Variants in RYR3 observed in about 807,000 individuals in gnomAD.
RYR3 encodes ryanodine receptor 3.
Under a neutral mutation model 584.3 loss-of-function variants are expected in RYR3, and 207 were observed. That is an observed-to-expected ratio of 0.35 (90% confidence interval 0.32 to 0.40). The LOEUF (loss-of-function observed/expected upper bound fraction) is 0.40, where lower values mean the gene tolerates loss of function less well. Among genes scored for constraint, RYR3 ranks in the 10% least tolerant of loss-of-function variants. RYR3 has a pLI of 1.00. For synonymous variants in RYR3, 2,416 were observed against 2,248.5 expected (o/e 1.07, Z -2.11); for missense variants, 5,616 against 6,089.2 (o/e 0.92, Z 2.59).
At chr15:33,495,443 C>T (rs1369019959) in intron 2 of RYR3, among the ~76,000 whole-genome samples, 1 of 152,128 alleles carries the variant, frequency 6.6e-6, no homozygotes, top group Admixed American at 6.5e-5. Context: ...TTCTCACCTG[C>T]AAAATGGCTT....
rs1194206001 is a variant in RYR3 at position 33,864,200 on chromosome 15, A to C, written c.14517+11A>C. ...GAGCACACGGGTCAGGTGAGAAATT[A>C]AGAATCATATACCCGTGTTAGATCT... On this transcript the variant is annotated intron_variant, in intron 103 of 103. Transcript: ENST00000634891. 2 of 1,603,456 alleles carry C rather than the reference A, an allele frequency of 1.2e-6. No individual in the cohort carries two copies. The highest frequency in any genetic ancestry group is 1.3e-5 in the African/African-American group (1 of 74,876).
At chr15:33,659,698 T>G in intron 32 of RYR3, 22 bp from the exon 33 acceptor site, 1 of 1,548,960 alleles carries the variant, frequency 6.5e-7, no homozygotes, top group Non-Finnish European at 8.9e-7. Flanking sequence ...GGGCAAAGCT[T>G]TCGATTTGTT....
intron 1 of RYR3, among the ~76,000 whole-genome samples, chr15:33,379,209 T>G (rs1222430306): frequency 3.3e-5 from 5 of 152,188 alleles, no homozygotes; most frequent in Non-Finnish European, 7.3e-5. Context: ...TAAAACTGAT[T>G]TCCTGTGATA....
At position 33,534,477 on chromosome 15, in the gene RYR3, T is replaced by A. The variant is rs529026228; in HGVS notation, c.433+1088T>A. On this transcript the variant is annotated intron_variant, in intron 5 of 103. Transcript: ENST00000634891. Reference sequence around the variant, plus strand: ...GTGTCATTTAATTGCCTCCCACCAATGATATACATCATATACTTTGGGAAC... The same window carrying A: ...GTGTCATTTAATTGCCTCCCACCAAAGATATACATCATATACTTTGGGAAC... 1.2e-4 allele frequency among the ~76,000 whole-genome samples: 19 copies of A among 152,366 alleles called. No homozygotes were observed. The South Asian group carries it at 3.9e-3, about 32-fold the overall frequency.
At chr15:33,691,770 T>C (rs568626753) in intron 38 of RYR3, among the ~76,000 whole-genome samples, 1 of 152,338 alleles carries the variant, frequency 6.6e-6, no homozygotes, top group Admixed American at 6.5e-5. Context: ...AAATTAATAA[T>C]TTTTACTGCT....
chr15:33,737,947 C>T (rs1447499005), intron 49 of RYR3, among the ~76,000 whole-genome samples: 2 of 151,892 alleles, frequency 1.3e-5, no homozygotes, highest in African/African-American at 4.8e-5. Context: ...GGAGAGGGAG[C>T]GGGCACGGGG....
Position 33,580,089 on chromosome 15 carries a change from A to T in RYR3, c.1382A>T (p.Asp461Val), listed in dbSNP as rs759991237. 3.7e-6 allele frequency: 6 copies of T among 1,613,400 alleles called. No individual in the cohort carries two copies. The South Asian group carries it at 6.6e-5, about 18-fold the overall frequency. ...CCAGAGGAGGAGATGCGACATGAAG[A>T]CAAGCAGAACAAGCTCCGCTCACTC... The part of the protein sequence containing the change: ...QPPEEEMRHE[D>V]KQNKLRSLKN... The change falls in exon 13 of 104, where the codon GAC (aspartate) becomes GTC (valine). Residue 461 changes from aspartate (D) to valine (V), a missense_variant. Asp to Val is a radical substitution (Grantham distance 152). This residue lies in a region of RYR3 where 1,284 missense variants were observed against 1,344.6 expected (regional missense o/e 0.95). Transcript: ENST00000634891.
In RYR3 at chr15:33,659,828, T is replaced by A. The variant is rs1380874338; in HGVS notation, c.4395+22T>A. 2.4e-5 allele frequency: 36 copies of A among 1,489,378 alleles called. 1 individual carries two copies. Among genetic ancestry groups the A allele is most frequent in the Middle Eastern group, 3.4e-4 (2 of 5,834 alleles). The allele number at this position is 1,489,378 out of a possible 1,614,324, so 92.3% of individuals were successfully genotyped here. On this transcript the variant is annotated intron_variant, in intron 33 of 103. Coordinates refer to ENST00000634891, the MANE Select transcript of RYR3 (RefSeq NM_001036.6). ...GAAGGTATTTATTTGTCCTCTCATCTAATGGCCATGACAAGAGAAAGCAGC... is the reference window on the plus strand; with the variant it reads ...GAAGGTATTTATTTGTCCTCTCATCAAATGGCCATGACAAGAGAAAGCAGC...
chr15:33,498,273 A>G (rs1032862434), intron 2 of RYR3, among the ~76,000 whole-genome samples: 1 of 152,186 alleles, frequency 6.6e-6, no homozygotes, highest in Non-Finnish European at 1.5e-5. Flanking sequence ...ACTGTTTTGC[A>G]TAATAGCTAT....
At chr15:33,373,010 T>C (rs1423651602) in intron 1 of RYR3, among the ~76,000 whole-genome samples, 1 of 152,236 alleles carries the variant, frequency 6.6e-6, no homozygotes, top group African/African-American at 2.4e-5. Flanking sequence ...TTATGCACCT[T>C]GGCAGGCAGG....
chr15:33,831,077 A>G lies in RYR3; in HGVS notation c.11449A>G (p.Thr3817Ala). Reference sequence around the variant, plus strand: ...CACCAAGCAGATTTTCAATTCTCTTACAGAATACATCCAGGTATGTGCTAC... The same window carrying G: ...CACCAAGCAGATTTTCAATTCTCTTGCAGAATACATCCAGGTATGTGCTAC... ...AVTKQIFNSL[T>A]EYIQGPCIGN... The change falls in exon 86 of 104, where the codon ACA becomes GCA. Residue 3817 changes from threonine to alanine, a missense_variant. Physicochemically the swap from Thr to Ala is moderately conservative, Grantham distance 58. Transcript: ENST00000634891. 6.2e-7 allele frequency: 1 copy of G among 1,613,512 alleles called. No individual in the cohort carries two copies. The highest frequency in any genetic ancestry group is 8.5e-7 in the Non-Finnish European group (1 of 1,179,824).
chr15:33,609,776 A>G (rs1349997382), intron 18 of RYR3, among the ~76,000 whole-genome samples: 1 of 152,200 alleles, frequency 6.6e-6, no homozygotes, highest in Non-Finnish European at 1.5e-5. Flanking sequence ...CTGAATTTTA[A>G]TATATAGATT....
chr15:33,337,810 G>A (rs1179973311), intron 1 of RYR3, among the ~76,000 whole-genome samples: 1 of 151,914 alleles, frequency 6.6e-6, no homozygotes, highest in East Asian at 1.9e-4. Context: ...GTTCAAGTAT[G>A]TTCATAGTAC....
chr15:33,403,214 T>C (rs2042798581), intron 1 of RYR3, among the ~76,000 whole-genome samples: 1 of 151,958 alleles, frequency 6.6e-6, no homozygotes, highest in African/African-American at 2.4e-5. Context: ...GTTTTAATTA[T>C]TTTCTTTTCA....
At chr15:33,823,945 A>G (rs1232306758) in intron 81 of RYR3, among the ~76,000 whole-genome samples, 3 of 152,214 alleles carry the variant, frequency 2.0e-5, no homozygotes, top group Non-Finnish European at 4.4e-5. Flanking sequence ...TTCACTGGGT[A>G]AAATATCGTA....
intron 19 of RYR3, among the ~76,000 whole-genome samples, chr15:33,613,745 C>T (rs559100570): frequency 5.9e-5 from 9 of 152,180 alleles, no homozygotes; most frequent in Non-Finnish European, 8.8e-5. Flanking sequence ...TCTATTAATA[C>T]TTTGGCATAT....
At chr15:33,854,998 G>A in intron 98 of RYR3, 86 bp downstream of exon 98, 7 of 1,291,350 alleles carry the variant, frequency 5.4e-6, no homozygotes, top group Non-Finnish European at 7.2e-6. Flanking sequence ...TATATGACAG[G>A]AAGGAATATG....
intron 3 of RYR3, among the ~76,000 whole-genome samples, chr15:33,518,962 G>T (rs1006641440): frequency 6.6e-5 from 10 of 152,216 alleles, no homozygotes; most frequent in African/African-American, 2.4e-4. Flanking sequence ...CACAGAAACC[G>T]GAGTGAGAAC....
At chr15:33,369,913 G>A (rs2040204189) in intron 1 of RYR3, among the ~76,000 whole-genome samples, 1 of 152,182 alleles carries the variant, frequency 6.6e-6, no homozygotes, top group African/African-American at 2.4e-5. Flanking sequence ...TTAGATCATG[G>A]ACAGTATCTT....
Sources: gnomAD v4.1 joint callset for allele counts (sites outside exome capture counted in the v4.1 genomes callset) on GRCh38, gnomAD v4.1.1 for gene constraint, gnomAD v4.1.1 regional missense constraint, MANE v1.5 for transcripts, NCBI Gene and HGNC (gene_info 2026-07-23, HGNC 2026-07-21) for gene names.